Variants in ADAMTSL3 observed in about 807,000 individuals in gnomAD.
ADAMTSL3 encodes the protein ADAMTS like 3, also known as ADAMTS-like protein 3.
Under a neutral mutation model 201.7 loss-of-function variants are expected in ADAMTSL3, and 128 were observed. The ratio of observed to expected loss-of-function variants is 0.63; its 90% CI spans 0.55 to 0.73. ADAMTSL3 has a LOEUF of 0.73. ADAMTSL3 is among the 30% of genes least tolerant of loss of function. The pLI is 0.00. For missense variants in ADAMTSL3, 1,990 were observed against 2,119.6 expected, an observed-to-expected ratio of 0.94 and a Z score of 1.20; for synonymous variants, 738 against 748.4, an observed-to-expected ratio of 0.99 and a Z score of 0.23.
chr15:83,715,816 C>T (rs1406556244), intron 3 of ADAMTSL3, among the ~76,000 whole-genome samples: 1 of 152,166 alleles, frequency 6.6e-6, no homozygotes, highest in African/African-American at 2.4e-5. Context: ...GCCCTGTGCT[C>T]TGGCCAGACT....
chr15:83,743,173 A>G (rs1392762265), intron 3 of ADAMTSL3, among the ~76,000 whole-genome samples: 3 of 152,226 alleles, frequency 2.0e-5, no homozygotes, highest in Non-Finnish European at 4.4e-5. Context: ...CATTCTGTCC[A>G]TTTGCCTTGC....
chr15:83,916,066 G>C (rs543599042), intron 16 of ADAMTSL3, among the ~76,000 whole-genome samples: 1 of 152,248 alleles, frequency 6.6e-6, no homozygotes, highest in South Asian at 2.1e-4. Flanking sequence ...TTTGACACTT[G>C]ACTAATTGAG....
chr15:83,715,998 C>T lies in ADAMTSL3; in HGVS notation c.189+11490C>T, dbSNP rs75976945. 2.6e-3 allele frequency among the ~76,000 whole-genome samples: 396 copies of T among 152,266 alleles called. 2 individuals carry two copies. Among genetic ancestry groups the T allele is most frequent in the African/African-American group, 8.8e-3 (365 of 41,550 alleles). On this transcript the variant is annotated intron_variant, in intron 3 of 29. Coordinates refer to ENST00000286744, the MANE Select transcript of ADAMTSL3 (RefSeq NM_207517.3). Reference sequence around the variant, plus strand: ...CTTCCTGCTCTTTGAAATAGTCACTCATGTTTGCTTATGGCCCTAAGGATT... The same window carrying T: ...CTTCCTGCTCTTTGAAATAGTCACTTATGTTTGCTTATGGCCCTAAGGATT...
intron 2 of ADAMTSL3, among the ~76,000 whole-genome samples, chr15:83,668,842 C>G (rs1217550741): frequency 1.3e-5 from 2 of 152,176 alleles, no homozygotes; most frequent in African/African-American, 4.8e-5. Context: ...CTCTGTGTGT[C>G]TCCCATCCTC....
chr15:84,014,999 G>A (rs897015622), intron 24 of ADAMTSL3, among the ~76,000 whole-genome samples: 3 of 151,956 alleles, frequency 2.0e-5, no homozygotes, highest in Non-Finnish European at 4.4e-5. Context: ...AGGCTGGAGT[G>A]CAGTGGCACA....
rs1052219923 is a variant in ADAMTSL3 at position 83,913,129 on chromosome 15, T to C, written c.1738T>C (p.Cys580Arg). 6.2e-7 allele frequency: 1 copy of C among 1,614,126 alleles called. No individual in the cohort carries two copies. Among genetic ancestry groups the C allele is most frequent in the Non-Finnish European group, 8.5e-7 (1 of 1,180,026 alleles). The change falls in exon 16 of 30, where the codon TGT (cysteine) becomes CGT (arginine). Residue 580 changes from cysteine (C) to arginine (R), a missense_variant. Coordinates refer to ENST00000286744, the MANE Select transcript of ADAMTSL3 (RefSeq NM_207517.3). ...ACCCTGGTCAGCCTGCAGTACCACGTGTGGGCCGGGTGTGCAGGTCCGTGA... is the reference window on the plus strand; with the variant it reads ...ACCCTGGTCAGCCTGCAGTACCACGCGTGGGCCGGGTGTGCAGGTCCGTGA... ...PEPWSACSTT[C>R]GPGVQVREVK...
intron 3 of ADAMTSL3, among the ~76,000 whole-genome samples, chr15:83,724,875 A>G (rs992295328): frequency 6.6e-6 from 1 of 152,122 alleles, no homozygotes; most frequent in African/African-American, 2.4e-5. Context: ...ATTGCAAATG[A>G]CAGAATCTCT....
At chr15:83,880,440 A>C (rs1349683707) in intron 9 of ADAMTSL3, among the ~76,000 whole-genome samples, 1 of 152,188 alleles carries the variant, frequency 6.6e-6, no homozygotes, top group Non-Finnish European at 1.5e-5. Flanking sequence ...GTCAATGGCT[A>C]CTTTTGCACT....
At chr15:83,822,466 T>C (rs1596270431) in intron 6 of ADAMTSL3, among the ~76,000 whole-genome samples, 1 of 124,720 alleles carries the variant, frequency 8.0e-6, no homozygotes, top group Non-Finnish European at 1.6e-5. Flanking sequence ...GAGGGTCTCC[T>C]CACTTCTCAG....
At chr15:83,973,704 C>T (rs2067234189) in intron 20 of ADAMTSL3, among the ~76,000 whole-genome samples, 1 of 152,152 alleles carries the variant, frequency 6.6e-6, no homozygotes, top group Non-Finnish European at 1.5e-5. Context: ...AATATCAAGG[C>T]TAAAGTGGCA....
chr15:83,835,201 T>G (rs1263643876), intron 6 of ADAMTSL3, among the ~76,000 whole-genome samples: 2 of 136,106 alleles, frequency 1.5e-5, no homozygotes, highest in South Asian at 4.7e-4. Flanking sequence ...ACCACTGCAC[T>G]CCAGCTTGGG....
chr15:83,669,873 C>G (rs537110915), intron 2 of ADAMTSL3, among the ~76,000 whole-genome samples: 1 of 152,040 alleles, frequency 6.6e-6, no homozygotes, highest in African/African-American at 2.4e-5. Flanking sequence ...ACTCTCACAA[C>G]CCTCATAAAT....
rs1316033996 is a variant in ADAMTSL3 at position 83,754,501 on chromosome 15, A to T, written c.190-19022A>T. ...TATTTGTCAGAATAATTAACATTTTAAAAATGTTAGATGTTGTTTTAAAAA... is the reference window on the plus strand; with the variant it reads ...TATTTGTCAGAATAATTAACATTTTTAAAATGTTAGATGTTGTTTTAAAAA... On this transcript the variant is annotated intron_variant, in intron 3 of 29. Coordinates refer to ENST00000286744, the MANE Select transcript of ADAMTSL3 (RefSeq NM_207517.3). Among the ~76,000 whole-genome samples, 3 of 152,174 alleles carry T rather than the reference A, an allele frequency of 2.0e-5. No individual in the cohort carries two copies. In the East Asian group the frequency reaches 5.8e-4, roughly 29 times the overall value.
At chr15:83,745,044 A>G (rs1300258330) in intron 3 of ADAMTSL3, among the ~76,000 whole-genome samples, 1 of 152,174 alleles carries the variant, frequency 6.6e-6, no homozygotes, top group Non-Finnish European at 1.5e-5. Context: ...GCCCTGCCCC[A>G]CATCCTGGAC....
chr15:83,934,456 T>C (rs2066424759), intron 17 of ADAMTSL3, among the ~76,000 whole-genome samples: 1 of 152,250 alleles, frequency 6.6e-6, no homozygotes, highest in Admixed American at 6.5e-5. Context: ...TACAGGCTTA[T>C]AGGCAGAGGG....
Position 84,038,492 on chromosome 15 carries a change from G to A in ADAMTSL3, c.*686G>A, listed in dbSNP as rs186783380. On this transcript the variant is annotated 3_prime_UTR_variant, in exon 30 of 30. Transcript: ENST00000286744. ...TATCTATGACCTAATGAGGCATCTC[G>A]GAAGTCAAAGAAGAGGGAAAGTTAA... is the stretch of plus-strand genomic sequence containing the variant. The A allele has an allele frequency of 4.8e-4, 73 of 152,640 alleles. No individual in the cohort carries two copies. Among genetic ancestry groups the A allele is most frequent in the Non-Finnish European group, 7.8e-4 (53 of 68,010 alleles). The allele number at this position is 152,640 out of a possible 1,614,324, so 9.5% of individuals were successfully genotyped here. A position where few individuals can be genotyped will look rare whatever the true frequency, so the allele number is the denominator to read the frequency against.
At chr15:83,888,672 G>A (rs972252506) in intron 10 of ADAMTSL3, among the ~76,000 whole-genome samples, 21 of 152,196 alleles carry the variant, frequency 1.4e-4, no homozygotes. Flanking sequence ...GATCAATTTG[G>A]AGAAGGTACC....
intron 19 of ADAMTSL3, among the ~76,000 whole-genome samples, chr15:83,957,521 G>T (rs2066883831): frequency 6.6e-6 from 1 of 152,186 alleles, no homozygotes; most frequent in Non-Finnish European, 1.5e-5. Flanking sequence ...AGTTGGGATA[G>T]AGAGTAGTAA....
intron 3 of ADAMTSL3, among the ~76,000 whole-genome samples, chr15:83,767,770 G>A (rs2141727408): frequency 1.3e-5 from 2 of 152,224 alleles, no homozygotes; most frequent in Non-Finnish European, 2.9e-5. Context: ...ACGGTAATTG[G>A]TATTATTTCA....
Sources: gnomAD v4.1 joint callset for allele counts (sites outside exome capture counted in the v4.1 genomes callset) on GRCh38, gnomAD v4.1.1 for gene constraint, MANE v1.5 for transcripts, NCBI Gene and HGNC (gene_info 2026-07-23, HGNC 2026-07-21) for gene names.